The following SNTG2 variants were observed in gnomAD, a reference collection of about 807,000 sequenced individuals.
The protein encoded by SNTG2 is gamma-2-syntrophin.
In SNTG2, 74 loss-of-function variants were observed where a neutral mutation model predicts 70.9. The ratio of observed to expected loss-of-function variants is 1.04; its 90% CI spans 0.86 to 1.27. SNTG2 has a LOEUF of 1.27. Ranked by LOEUF, SNTG2 falls within the 50% of genes most tolerant of loss-of-function variation. The pLI, the probability that SNTG2 is intolerant of heterozygous loss-of-function variation, is 0.00. For synonymous variants in SNTG2, 278 were observed against 273.8 expected (o/e 1.02, Z -0.15); for missense variants, 717 against 690.7 (o/e 1.04, Z -0.43).
At chr2:983,214 C>CAGAAGCTGCAGAGGTGGAGGTTGGGATGA (rs1558293298) in intron 1 of SNTG2, among the ~76,000 whole-genome samples, 245 of 82,604 alleles carry the variant, frequency 3.0e-3, no homozygotes, top group African/African-American at 0.011. Flanking sequence ...GGTCAGGATG[C>CAGAAGCTGCAGAGGTGGAGGTTGGGATGA]AGAAGCTGCA....
At chr2:1,022,427 A>G (rs1045263783) in intron 1 of SNTG2, among the ~76,000 whole-genome samples, 3 of 151,234 alleles carry the variant, frequency 2.0e-5, no homozygotes, top group African/African-American at 4.9e-5. Context: ...TAGCCCCTGC[A>G]TTGCCGTGAA....
Position 1,063,681 on chromosome 2 carries a change from T to C in SNTG2, c.73-19837T>C, listed in dbSNP as rs565676995. 7.2e-5 allele frequency among the ~76,000 whole-genome samples: 11 copies of C among 152,342 alleles called. No individual in the cohort carries two copies. In the East Asian group the frequency reaches 2.1e-3, roughly 29 times the overall value. On this transcript the variant is annotated intron_variant, in intron 1 of 16. Transcript: ENST00000308624. ...GAAATAAATAATTATGTCATTGGGCTTAACTGAAGAGTGGACACAACAAAA... is the reference window on the plus strand; with the variant it reads ...GAAATAAATAATTATGTCATTGGGCCTAACTGAAGAGTGGACACAACAAAA...
intron 2 of SNTG2, among the ~76,000 whole-genome samples, chr2:1,088,553 TAAG>T (rs746510790): frequency 6.6e-6 from 1 of 152,214 alleles, no homozygotes; most frequent in Non-Finnish European, 1.5e-5. Context: ...GAATACTGCA[TAAG>T]AAGAATTGGC....
chr2:1,137,471 C>G (rs1409542331), intron 4 of SNTG2, 151 bp from the exon 5 acceptor site: 1 of 779,546 alleles, frequency 1.3e-6, no homozygotes. Context: ...CACCTGCACA[C>G]ACAAACACAC....
intron 4 of SNTG2, among the ~76,000 whole-genome samples, chr2:1,120,209 A>G (rs573230037): frequency 1.3e-5 from 2 of 152,196 alleles, no homozygotes; most frequent in African/African-American, 2.4e-5. Context: ...TTCTTTATCA[A>G]TAATCGCCTT....
At position 1,306,483 on chromosome 2, in the gene SNTG2, T is replaced by C. The variant is rs190440955; in HGVS notation, c.1285-2011T>C. On this transcript the variant is annotated intron_variant, in intron 14 of 16. Transcript: ENST00000308624. ...ATCCAGGAAAAGGACAATAGCAGAATGAGAGACAAGTGAGGAAGAGCCTCC... is the reference window on the plus strand; with the variant it reads ...ATCCAGGAAAAGGACAATAGCAGAACGAGAGACAAGTGAGGAAGAGCCTCC... Among the ~76,000 whole-genome samples the C allele has an allele frequency of 2.5e-3, 379 of 152,276 alleles. 1 individual carries two copies. The highest frequency in any genetic ancestry group is 8.4e-3 in the African/African-American group (350 of 41,542).
At chr2:1,235,040 C>T (rs1011768221) in intron 9 of SNTG2, among the ~76,000 whole-genome samples, 1 of 152,238 alleles carries the variant, frequency 6.6e-6, no homozygotes, top group African/African-American at 2.4e-5. Context: ...AAGCGGTGAC[C>T]ATGCGTGTCC....
intron 1 of SNTG2, among the ~76,000 whole-genome samples, chr2:1,047,853 G>C (rs1409533693): frequency 1.3e-5 from 2 of 152,020 alleles, no homozygotes; most frequent in Non-Finnish European, 2.9e-5. Flanking sequence ...GTAGACTAAG[G>C]TACACACACA....
At chr2:1,358,496 C>A (rs1660971165) in intron 16 of SNTG2, among the ~76,000 whole-genome samples, 1 of 152,000 alleles carries the variant, frequency 6.6e-6, no homozygotes, top group South Asian at 2.1e-4. Flanking sequence ...CCACCATAAA[C>A]TTCCCTCTTG....
chr2:1,173,122 G>A lies in SNTG2; in HGVS notation c.530G>A (p.Ser177Asn). ...CCAGGGCCATCCAGCGACCACAGCA[G>A]TGGGGCCTCCTCTCCCCTCTTTGAC... Reference protein sequence around the residue: ...GSPGPSSDHSSGASSPLFDSG... With the variant: ...GSPGPSSDHSNGASSPLFDSG... The change falls in exon 8 of 17, where the codon AGT (serine) becomes AAT (asparagine). Residue 177 changes from serine to asparagine, a missense_variant. Transcript: ENST00000308624. 1.9e-6 allele frequency: 3 copies of A among 1,614,034 alleles called. No individual in the cohort carries two copies. Among genetic ancestry groups the A allele is most frequent in the Non-Finnish European group, 2.5e-6 (3 of 1,179,898 alleles).
chr2:1,315,938 C>T (rs952268048), intron 15 of SNTG2, among the ~76,000 whole-genome samples: 7 of 152,062 alleles, frequency 4.6e-5, no homozygotes, highest in Admixed American at 2.6e-4. Context: ...AGGCTGTGTA[C>T]AGGAAAACAC....
intron 1 of SNTG2, among the ~76,000 whole-genome samples, chr2:1,033,991 T>C (rs1660986845): frequency 6.6e-6 from 1 of 152,128 alleles, no homozygotes; most frequent in African/African-American, 2.4e-5. Flanking sequence ...TTTAAAAATA[T>C]ATTTTTAACT....
intron 9 of SNTG2, among the ~76,000 whole-genome samples, chr2:1,223,331 G>T: frequency 6.6e-6 from 1 of 151,306 alleles, no homozygotes; most frequent in South Asian, 2.1e-4. Flanking sequence ...GAGGAAGGCG[G>T]CGCAGTGATG....
chr2:1,129,843 A>G (rs1667913512), intron 4 of SNTG2, among the ~76,000 whole-genome samples: 1 of 152,208 alleles, frequency 6.6e-6, no homozygotes, highest in African/African-American at 2.4e-5. Context: ...CTTATCATCA[A>G]GAGAATGCCT....
intron 1 of SNTG2, among the ~76,000 whole-genome samples, chr2:1,036,207 G>A (rs1192888240): frequency 1.3e-5 from 2 of 152,126 alleles, no homozygotes; most frequent in Admixed American, 6.5e-5. Flanking sequence ...TTTTCTTGGA[G>A]AGAAAGAGAT....
chr2:1,183,663 A>ATG (rs1012649751), intron 8 of SNTG2, among the ~76,000 whole-genome samples: 6 of 152,076 alleles, frequency 3.9e-5, no homozygotes, highest in South Asian at 4.2e-4. Context: ...TATTATATAT[A>ATG]TGTGTGTGTG....
At chr2:1,109,834 A>C (rs894559319) in intron 4 of SNTG2, among the ~76,000 whole-genome samples, 44 of 152,370 alleles carry the variant, frequency 2.9e-4, no homozygotes, top group Non-Finnish European at 1.2e-4. Context: ...AAATGGGACA[A>C]TTAGAAAATA....
intron 16 of SNTG2, among the ~76,000 whole-genome samples, chr2:1,332,275 T>C (rs992738978): frequency 1.3e-5 from 2 of 152,194 alleles, no homozygotes; most frequent in African/African-American, 4.8e-5. Flanking sequence ...CTTACTATAA[T>C]GTTACCTGAT....
intron 1 of SNTG2, among the ~76,000 whole-genome samples, chr2:970,688 TTCC>T (rs1660709890): frequency 6.8e-6 from 1 of 147,758 alleles, no homozygotes; most frequent in Non-Finnish European, 1.5e-5. Context: ...TTTGGGTTGG[TTCC>T]AAGTCTTTGC....
Sources: gnomAD v4.1 joint callset for allele counts (sites outside exome capture counted in the v4.1 genomes callset) on GRCh38, gnomAD v4.1.1 for gene constraint, MANE v1.5 for transcripts, NCBI Gene and HGNC (gene_info 2026-07-23, HGNC 2026-07-21) for gene names.